Variants in NEBL observed in about 807,000 individuals in gnomAD.
NEBL encodes the protein LIM and SH3 protein 2.
In NEBL, 122 loss-of-function variants were observed where a neutral mutation model predicts 140.2. The ratio of observed to expected loss-of-function variants is 0.87; its 90% CI spans 0.75 to 1.01. The LOEUF (loss-of-function observed/expected upper bound fraction) is 1.01, where lower values mean the gene tolerates loss of function less well. Among genes scored for constraint, NEBL ranks in the 50% least tolerant of loss-of-function variants. The probability of loss-of-function intolerance (pLI) is 0.00; values close to 1 mark genes in which losing one functional copy is unlikely to be tolerated. For synonymous variants in NEBL, 436 were observed against 398.9 expected (o/e 1.09, Z -1.11); for missense variants, 1,365 against 1,231.3 (o/e 1.11, Z -1.62).
chr10:20,840,825 T>C lies in NEBL; in HGVS notation c.1252A>G (p.Asn418Asp), dbSNP rs1295436667. The change falls in exon 13 of 28, where the codon AAT becomes GAT. Residue 418 changes from asparagine (N) to aspartate (D), a missense_variant. Asn to Asp is a conservative substitution (Grantham distance 23). Coordinates refer to ENST00000377122, the MANE Select transcript of NEBL (RefSeq NM_006393.3). ...TCCATTCCTTTCCCTTTTATCTCAT[T>C]TTCCAAATCTTTTTTATATTCTTTC... is the stretch of plus-strand genomic sequence containing the variant. ...REKEYKKDLE[N>D]EIKGKGMELN... 1.3e-5 allele frequency: 20 copies of C among 1,594,724 alleles called. No homozygotes were observed. The highest frequency in any genetic ancestry group is 1.5e-5 in the Non-Finnish European group (17 of 1,164,032).
intron 7 of NEBL, among the ~76,000 whole-genome samples, chr10:20,865,527 C>T (rs968971590): frequency 1.1e-4 from 16 of 152,184 alleles, no homozygotes; most frequent in South Asian, 2.1e-4. Context: ...ACTGCTTCTC[C>T]GGGATTTGCT....
At chr10:21,165,844 A>G (rs1589302432) in intron 2 of NEBL, among the ~76,000 whole-genome samples, 1 of 152,286 alleles carries the variant, frequency 6.6e-6, no homozygotes, top group East Asian at 1.9e-4. Flanking sequence ...TATGATTCAC[A>G]AACTTATTGC....
chr10:21,147,486 C>T (rs1839948146), intron 2 of NEBL, among the ~76,000 whole-genome samples: 1 of 151,796 alleles, frequency 6.6e-6, no homozygotes, highest in Non-Finnish European at 1.5e-5. Context: ...AGTCCTCAAC[C>T]CACTGCAGGC....
chr10:21,286,115 T>A (rs1480510324), intron 1 of NEBL, among the ~76,000 whole-genome samples: 2 of 152,226 alleles, frequency 1.3e-5, no homozygotes, highest in Non-Finnish European at 2.9e-5. Flanking sequence ...AGCCTATCTG[T>A]GACTGGATGA....
At chr10:20,927,738 A>G (rs997997964) in intron 4 of NEBL, among the ~76,000 whole-genome samples, 6 of 152,210 alleles carry the variant, frequency 3.9e-5, no homozygotes, top group East Asian at 1.9e-4. Context: ...GCAGCCAGAC[A>G]GCCAGGGTTC....
chr10:21,085,895 A>C (rs1351274043), intron 2 of NEBL, among the ~76,000 whole-genome samples: 2 of 152,104 alleles, frequency 1.3e-5, no homozygotes, highest in Non-Finnish European at 2.9e-5. Context: ...ATCATGAATA[A>C]ACATTTAAAA....
intron 3 of NEBL, among the ~76,000 whole-genome samples, chr10:21,229,546 T>C (rs1416770858): frequency 6.6e-6 from 1 of 152,252 alleles, no homozygotes; most frequent in Non-Finnish European, 1.5e-5. Flanking sequence ...TGTTATGTCT[T>C]ACGACTGTCT....
intron 2 of NEBL, among the ~76,000 whole-genome samples, chr10:21,120,176 C>A (rs1355296160): frequency 6.6e-6 from 1 of 151,398 alleles, no homozygotes; most frequent in African/African-American, 2.4e-5. Context: ...TCGAAACCAG[C>A]CTGGCCTGGG....
upstream of NEBL, among the ~76,000 whole-genome samples, chr10:20,902,219 C>A (rs1847903204): frequency 6.6e-6 from 1 of 151,930 alleles, no homozygotes; most frequent in Non-Finnish European, 1.5e-5. Context: ...CTGGCTAACA[C>A]TGTGAAACCC....
At chr10:21,285,506 A>G (rs1282303372) in intron 1 of NEBL, among the ~76,000 whole-genome samples, 1 of 152,188 alleles carries the variant, frequency 6.6e-6, no homozygotes, top group Admixed American at 6.5e-5. Flanking sequence ...TGCTTCTTAC[A>G]TATACTGATT....
At chr10:21,111,617 G>C (rs1220787555) in intron 2 of NEBL, among the ~76,000 whole-genome samples, 1 of 150,818 alleles carries the variant, frequency 6.6e-6, no homozygotes, top group African/African-American at 2.5e-5. Flanking sequence ...CTTAATGTTA[G>C]ACCTGAAACC....
intron 3 of NEBL, among the ~76,000 whole-genome samples, chr10:20,889,072 T>C (rs1219525239): frequency 6.6e-6 from 1 of 152,198 alleles, no homozygotes; most frequent in Non-Finnish European, 1.5e-5. Flanking sequence ...TTAGCAGAAA[T>C]AATCCCAAGG....
chr10:20,823,283 C>T lies in NEBL; in HGVS notation c.1887G>A (p.Glu629=), dbSNP rs1044877236. The T allele has an allele frequency of 3.7e-6, 6 of 1,607,096 alleles. No individual in the cohort carries two copies. In the South Asian group the frequency reaches 5.5e-5, roughly 15 times the overall value. Residue 629 remains glutamate, a synonymous_variant, in exon 19 of 28, where the codon GAG becomes GAA. Coordinates refer to ENST00000377122, the MANE Select transcript of NEBL (RefSeq NM_006393.3). ...QNISSVKYKE[E]IKHATAISDP... ...CAGAAATGGCTGTTGCATGTTTAATCTCTTCTTTGTATTTCACCTGCATAA... is the reference window on the plus strand; with the variant it reads ...CAGAAATGGCTGTTGCATGTTTAATTTCTTCTTTGTATTTCACCTGCATAA...
intron 3 of NEBL, among the ~76,000 whole-genome samples, chr10:21,220,303 T>C (rs1842050770): frequency 6.6e-6 from 1 of 152,216 alleles, no homozygotes; most frequent in South Asian, 2.1e-4. Flanking sequence ...AACAGACATA[T>C]AGACCAATGT....
intron 2 of NEBL, among the ~76,000 whole-genome samples, chr10:21,166,347 T>G (rs1216411509): frequency 6.6e-6 from 1 of 151,914 alleles, no homozygotes; most frequent in Non-Finnish European, 1.5e-5. Flanking sequence ...AGTACTTAAA[T>G]GAATTCTGAT....
At chr10:20,948,675 G>A (rs1420000366) in intron 4 of NEBL, among the ~76,000 whole-genome samples, 1 of 152,220 alleles carries the variant, frequency 6.6e-6, no homozygotes, top group Non-Finnish European at 1.5e-5. Flanking sequence ...TTCATTTAGA[G>A]AAACTCACTT....
rs972956751 is a variant in NEBL at position 20,784,976 on chromosome 10, C to CATGCAACAGGGTAAATGCT, written c.*752_*770dup. ...GTTACAGAAGCTTGAATCTACATGA[C>CATGCAACAGGGTAAATGCT]ATGCAACAGGGTAAATGCTACTAGG... is the stretch of plus-strand genomic sequence containing the variant. On this transcript the variant is annotated 3_prime_UTR_variant, in exon 28 of 28. Transcript: ENST00000377122. 1 of 152,600 alleles carries CATGCAACAGGGTAAATGCT rather than the reference C, an allele frequency of 6.6e-6. No homozygotes were observed. Among genetic ancestry groups the CATGCAACAGGGTAAATGCT allele is most frequent in the African/African-American group, 2.4e-5 (1 of 41,422 alleles). 9.5% of individuals were successfully genotyped at this position (152,600 alleles called of 1,614,324 possible). A position where few individuals can be genotyped will look rare whatever the true frequency, so the allele number is the denominator to read the frequency against.
chr10:21,082,535 TAAAAAAA>T (rs61234594), intron 2 of NEBL, among the ~76,000 whole-genome samples: 52 of 117,290 alleles, frequency 4.4e-4, no homozygotes, highest in East Asian at 2.9e-3. Context: ...CCACCACCAC[TAAAAAAA>T]AAAAAAAAAA....
intron 4 of NEBL, among the ~76,000 whole-genome samples, chr10:20,920,223 G>A (rs1272572266): frequency 6.6e-6 from 1 of 152,206 alleles, no homozygotes; most frequent in African/African-American, 2.4e-5. Context: ...CAACCCCAGT[G>A]GAGGAGAATT....
Sources: gnomAD v4.1 joint callset for allele counts (sites outside exome capture counted in the v4.1 genomes callset) on GRCh38, gnomAD v4.1.1 for gene constraint, MANE v1.5 for transcripts, NCBI Gene and HGNC (gene_info 2026-07-23, HGNC 2026-07-21) for gene names.